The following MAVS variants were observed in gnomAD, a reference collection of about 807,000 sequenced individuals.
The protein encoded by MAVS is mitochondrial antiviral signaling protein.
A neutral mutation model predicts 30.2 loss-of-function variants in MAVS; 20 were observed. The observed-to-expected ratio is 0.66, with a 90% CI of 0.47 to 0.96. The LOEUF is 0.96. MAVS is among the 40% of genes least tolerant of loss of function. The pLI, the probability that MAVS is intolerant of heterozygous loss-of-function variation, is 0.00. For missense variants in MAVS, 624 were observed against 701.1 expected, an observed-to-expected ratio of 0.89 and a Z score of 1.24; for synonymous variants, 278 against 293.9, an observed-to-expected ratio of 0.95 and a Z score of 0.55.
intron 2 of MAVS, 79 bp from the exon 3 acceptor site, chr20:3,857,556 C>CT (rs2089821823): frequency 2.7e-6 from 4 of 1,482,168 alleles, no homozygotes; most frequent in African/African-American, 3.7e-5. Context: ...CACCCCTCCC[C>CT]CCGCTGTGGC....
At chr20:3,863,065 C>A (rs1418799115) in intron 5 of MAVS, among the ~76,000 whole-genome samples, 2 of 152,126 alleles carry the variant, frequency 1.3e-5, no homozygotes, top group East Asian at 3.8e-4. Context: ...CAGCCAGGGC[C>A]TATAGGGCAG....
chr20:3,865,920 T>C lies in MAVS; in HGVS notation c.1396T>C (p.Phe466Leu). 1 of 1,613,836 alleles carries C rather than the reference T, an allele frequency of 6.2e-7. No individual in the cohort carries two copies. Among genetic ancestry groups the C allele is most frequent in the Non-Finnish European group, 8.5e-7 (1 of 1,179,908 alleles). ...GAATGAGTATAAGTCCGAGGGCACC[T>C]TTGGGATCCACGTGGCTGAGAACCC... is the stretch of plus-strand genomic sequence containing the variant. The part of the protein sequence containing the change: ...EENEYKSEGT[F>L]GIHVAENPSI... The change falls in exon 7 of 7, where the codon TTT becomes CTT. Residue 466 changes from phenylalanine (F) to leucine (L), a missense_variant. Coordinates refer to ENST00000428216, the MANE Select transcript of MAVS (RefSeq NM_020746.5). This position sits in a 1 kb window ranked among gnomAD's most constrained non-coding sequence, Gnocchi z 4.7.
intron 3 of MAVS, among the ~76,000 whole-genome samples, chr20:3,860,051 T>C (rs796239440): frequency 6.6e-6 from 1 of 152,192 alleles, no homozygotes; most frequent in African/African-American, 2.4e-5. Context: ...TCTCCTGACC[T>C]CGTGATCCAC....
rs1235911608 is a variant in MAVS at position 3,873,228 on chromosome 20, G to A, written c.*7081G>A. On this transcript the variant is annotated 3_prime_UTR_variant, in exon 7 of 7. Transcript: ENST00000428216. ...TTGAATCCTAACCCCCAAAGCAATG[G>A]CATTAAGAGGTGGGGCCTTTGGGGC... 1 of 152,090 alleles carries A rather than the reference G, an allele frequency of 6.6e-6. No homozygotes were observed. Among genetic ancestry groups the A allele is most frequent in the East Asian group, 1.9e-4 (1 of 5,192 alleles). 9.4% of individuals were successfully genotyped at this position (152,090 alleles called of 1,614,324 possible).
At chr20:3,863,032 T>G (rs2089878458) in intron 5 of MAVS, among the ~76,000 whole-genome samples, 1 of 152,168 alleles carries the variant, frequency 6.6e-6, no homozygotes, top group Non-Finnish European at 1.5e-5. Context: ...ATTTTTGCGC[T>G]CTGCCAAAGG....
rs202136760 is a variant in MAVS, at chr20:3,864,704, G to C, written c.1074G>C (p.Met358Ile). Residue 358 changes from methionine (M) to isoleucine (I), a missense_variant, in exon 6 of 7, where the codon ATG becomes ATC. By Grantham distance (10) the Met-to-Ile change is conservative. Transcript: ENST00000428216. ...CCATCAACTCAACCCGTGCTGGCAT[G>C]GTGCCATCCAAAGTGCCTACTAGCA... Reference protein sequence around the residue: ...KLPINSTRAGMVPSKVPTSMV... With the variant: ...KLPINSTRAGIVPSKVPTSMV... 1.9e-4 allele frequency: 311 copies of C among 1,614,236 alleles called. No homozygotes were observed. The highest frequency in any genetic ancestry group is 1.2e-3 in the Middle Eastern group (7 of 6,062).
intron 4 of MAVS, 81 bp from the exon 5 acceptor site, chr20:3,862,170 TAGG>T: frequency 6.6e-7 from 1 of 1,507,064 alleles, no homozygotes; most frequent in Non-Finnish European, 9.0e-7. Flanking sequence ...CTGAGGCCTA[TAGG>T]AGATGCCCCA....
At position 3,873,280 on chromosome 20, in the gene MAVS, C is replaced by T. The variant is rs2089968617; in HGVS notation, c.*7133C>T. The T allele has an allele frequency of 6.6e-6, 1 of 152,030 alleles. No individual in the cohort carries two copies. Among genetic ancestry groups the T allele is most frequent in the Non-Finnish European group, 1.5e-5 (1 of 68,012 alleles). 9.4% of individuals were successfully genotyped at this position (152,030 alleles called of 1,614,324 possible). A position where few individuals can be genotyped will look rare whatever the true frequency, so the allele number is the denominator to read the frequency against. On this transcript the variant is annotated 3_prime_UTR_variant, in exon 7 of 7. Transcript: ENST00000428216. ...GGGTATGGTGGCTCATGACTGTAAT[C>T]CCAGCACTTTGGGATGCTGGCAGGG...
intron 1 of MAVS, among the ~76,000 whole-genome samples, chr20:3,848,636 C>A (rs2146752203): frequency 6.6e-6 from 1 of 152,320 alleles, no homozygotes; most frequent in South Asian, 2.1e-4. Context: ...TAGGTGCTGT[C>A]TGCTCTACAG....
chr20:3,866,545 C>T lies in MAVS; in HGVS notation c.*398C>T, dbSNP rs1351411774. The stretch of plus-strand genomic sequence containing the variant: ...GAATGCCTCTCCTGTTGCATTGGTC[C>T]CTGAAGGCCTCAGGGCAGGTATGTG... On this transcript the variant is annotated 3_prime_UTR_variant, in exon 7 of 7. Transcript: ENST00000428216. 1 of 332,732 alleles carries T rather than the reference C, an allele frequency of 3.0e-6. No individual in the cohort carries two copies. Among genetic ancestry groups the T allele is most frequent in the East Asian group, 7.6e-5 (1 of 13,156 alleles). 20.6% of individuals were successfully genotyped at this position (332,732 alleles called of 1,614,324 possible).
chr20:3,870,901 G>A lies in MAVS; in HGVS notation c.*4754G>A. ...TTCTGCAGAGGTTCTTTTCTTTTGA[G>A]ACAGAGTGTTGCTCTGTTGCCCAGG... On this transcript the variant is annotated 3_prime_UTR_variant, in exon 7 of 7. Coordinates refer to ENST00000428216, the MANE Select transcript of MAVS (RefSeq NM_020746.5). 1 of 152,008 alleles carries A rather than the reference G, an allele frequency of 6.6e-6. No individual in the cohort carries two copies. The highest frequency in any genetic ancestry group is 1.5e-5 in the Non-Finnish European group (1 of 68,058). The allele number at this position is 152,008 out of a possible 1,614,324, so 9.4% of individuals were successfully genotyped here. A position where few individuals can be genotyped will look rare whatever the true frequency, so the allele number is the denominator to read the frequency against.
chr20:3,853,541 C>T (rs2089782823), intron 1 of MAVS, among the ~76,000 whole-genome samples: 1 of 151,772 alleles, frequency 6.6e-6, no homozygotes, highest in African/African-American at 2.4e-5. Flanking sequence ...TGCTTGTCAT[C>T]CGAGCTACTT....
chr20:3,862,252 A>G lies in MAVS; in HGVS notation c.466-2A>G, dbSNP rs1347317874. The G allele has an allele frequency of 6.2e-7, 1 of 1,612,324 alleles. No individual in the cohort carries two copies. Among genetic ancestry groups the G allele is most frequent in the Non-Finnish European group, 8.5e-7 (1 of 1,179,482 alleles). ...CCTTATTCATATTTTCCCTCATTGC[A>G]GAATTCAGAGCAAGCCCTGCAGACG... is the stretch of plus-strand genomic sequence containing the variant. On this transcript the variant is annotated splice_acceptor_variant, in intron 4 of 6. Coordinates refer to ENST00000428216, the MANE Select transcript of MAVS (RefSeq NM_020746.5). LOFTEE classifies it high-confidence loss of function.
intron 1 of MAVS, among the ~76,000 whole-genome samples, chr20:3,853,283 G>A (rs980113235): frequency 5.3e-5 from 8 of 150,268 alleles, no homozygotes; most frequent in Non-Finnish European, 8.9e-5. Flanking sequence ...TCAGTAAATC[G>A]AGACCATCCT....
chr20:3,866,601 C>T lies in MAVS; in HGVS notation c.*454C>T. ...TGGGCGACTCCACAAGACCTGCCTC[C>T]CATCCTGGCAGCCCAGCCTGAGACC... is the stretch of plus-strand genomic sequence containing the variant. On this transcript the variant is annotated 3_prime_UTR_variant, in exon 7 of 7. Transcript: ENST00000428216. 2.8e-6 allele frequency: 1 copy of T among 352,340 alleles called. No individual in the cohort carries two copies. The highest frequency in any genetic ancestry group is 5.6e-6 in the Non-Finnish European group (1 of 179,286). 21.8% of individuals were successfully genotyped at this position (352,340 alleles called of 1,614,324 possible). A position where few individuals can be genotyped will look rare whatever the true frequency, so the allele number is the denominator to read the frequency against.
At position 3,874,358 on chromosome 20, in the gene MAVS, G is replaced by A; in HGVS notation, c.*8211G>A. On this transcript the variant is annotated 3_prime_UTR_variant, in exon 7 of 7. Transcript: ENST00000428216. Reference sequence around the variant, plus strand: ...CACGAGTATTGTCAGTTTGTTTCCAGACTCCCTGTTGGAGATGTGGAAATA... The same window carrying A: ...CACGAGTATTGTCAGTTTGTTTCCAAACTCCCTGTTGGAGATGTGGAAATA... The A allele has an allele frequency of 2.5e-6, 1 of 397,606 alleles. No individual in the cohort carries two copies. The highest frequency in any genetic ancestry group is 4.4e-6 in the Non-Finnish European group (1 of 225,902). 24.6% of individuals were successfully genotyped at this position (397,606 alleles called of 1,614,324 possible).
rs2089964448 is a variant in MAVS at position 3,872,728 on chromosome 20, T to C, written c.*6581T>C. On this transcript the variant is annotated 3_prime_UTR_variant, in exon 7 of 7. Transcript: ENST00000428216. ...ATGCCAGATCGAAGGCCTAAGATGATTAAGACACTATGAGTGCCTTCAAGT... is the reference window on the plus strand; with the variant it reads ...ATGCCAGATCGAAGGCCTAAGATGACTAAGACACTATGAGTGCCTTCAAGT... 6.6e-6 allele frequency: 1 copy of C among 152,362 alleles called. No homozygotes were observed. The highest frequency in any genetic ancestry group is 2.1e-4 in the South Asian group (1 of 4,832). The allele number at this position is 152,362 out of a possible 1,614,324, so 9.4% of individuals were successfully genotyped here.
rs1295399394 is a variant in MAVS, at chr20:3,868,154, G to C, written c.*2007G>C. The stretch of plus-strand genomic sequence containing the variant: ...CCAGCAACCTGCACCCTGGAACCAG[G>C]AGTGGACCCTACCCGAGCTGTCTGT... On this transcript the variant is annotated 3_prime_UTR_variant, in exon 7 of 7. Coordinates refer to ENST00000428216, the MANE Select transcript of MAVS (RefSeq NM_020746.5). 2 of 152,368 alleles carry C rather than the reference G, an allele frequency of 1.3e-5. No individual in the cohort carries two copies. Among genetic ancestry groups the C allele is most frequent in the African/African-American group, 2.4e-5 (1 of 41,432 alleles). The allele number at this position is 152,368 out of a possible 1,614,324, so 9.4% of individuals were successfully genotyped here. A position where few individuals can be genotyped will look rare whatever the true frequency, so the allele number is the denominator to read the frequency against.
intron 3 of MAVS, among the ~76,000 whole-genome samples, chr20:3,860,275 T>C (rs1470975734): frequency 6.6e-6 from 1 of 151,890 alleles, no homozygotes; most frequent in African/African-American, 2.4e-5. Context: ...TCGCCCAGGC[T>C]GGAGTGCAGT....
Sources: allele counts gnomAD v4.1 joint callset (sites outside exome capture counted in the v4.1 genomes callset), GRCh38; gene constraint gnomAD v4.1.1; non-coding constraint Gnocchi (gnomAD v3.1); transcripts MANE v1.5; gene names NCBI Gene and HGNC (gene_info 2026-07-23, HGNC 2026-07-21).